The following COL5A2 variants were observed in gnomAD, a reference collection of about 807,000 sequenced individuals.
The protein encoded by COL5A2 is collagen alpha-2(V) chain.
COL5A2 carries 23 observed loss-of-function variants against 208.2 expected under a neutral mutation model. The ratio of observed to expected loss-of-function variants is 0.11; its 90% CI spans 0.08 to 0.16. COL5A2 has a LOEUF of 0.16. Ranked by LOEUF, COL5A2 falls within the 10% of genes least tolerant of loss-of-function variation. The pLI is 1.00. For synonymous variants in COL5A2, 625 were observed against 628.5 expected (o/e 0.99, Z 0.08); for missense variants, 1,590 against 1,956.4 (o/e 0.81, Z 3.53).
chr2:189,403,695 T>C, the COL5A2 span, among the ~76,000 whole-genome samples: 1 of 152,232 alleles, frequency 6.6e-6, no homozygotes, highest in African/African-American at 2.4e-5. Flanking sequence ...TTGCCTTTAG[T>C]TCTATTTACG....
chr2:189,369,430 T>G, the COL5A2 span, among the ~76,000 whole-genome samples: 1 of 152,162 alleles, frequency 6.6e-6, no homozygotes, highest in Non-Finnish European at 1.5e-5. Flanking sequence ...CTATTTTGTA[T>G]GTAGAATATA....
At chr2:189,231,460 C>T in the COL5A2 span, among the ~76,000 whole-genome samples, 4 of 151,854 alleles carry the variant, frequency 2.6e-5, no homozygotes, top group South Asian at 4.1e-4. Flanking sequence ...CTCTCATTCA[C>T]ACCCGGTGCC....
At chr2:189,372,378 T>C in the COL5A2 span, among the ~76,000 whole-genome samples, 2 of 152,176 alleles carry the variant, frequency 1.3e-5, no homozygotes, top group Non-Finnish European at 2.9e-5. Flanking sequence ...CAGTAGAACA[T>C]TTAGTATTAG....
At chr2:189,277,930 G>A in the COL5A2 span, among the ~76,000 whole-genome samples, 3 of 152,150 alleles carry the variant, frequency 2.0e-5, no homozygotes, top group East Asian at 3.9e-4. Flanking sequence ...GTGGGAACAA[G>A]GAGGTCAATA....
intron 1 of COL5A2, among the ~76,000 whole-genome samples, chr2:189,160,122 A>G (rs1017763180): frequency 1.3e-5 from 2 of 152,156 alleles, no homozygotes; most frequent in South Asian, 2.1e-4. Context: ...GCCCTGAAAT[A>G]GAAGCCAGAA....
chr2:189,427,443 T>C, the COL5A2 span, among the ~76,000 whole-genome samples: 2 of 152,156 alleles, frequency 1.3e-5, no homozygotes, highest in Admixed American at 6.5e-5. Context: ...ACTAGGACAA[T>C]GCAGAAGGAA....
At chr2:189,046,600 C>T (rs896759846) in intron 45 of COL5A2, among the ~76,000 whole-genome samples, 1 of 152,126 alleles carries the variant, frequency 6.6e-6, no homozygotes, top group African/African-American at 2.4e-5. Context: ...CCAAATATTA[C>T]TTGTCTCCTT....
chr2:189,398,889 G>A, the COL5A2 span, among the ~76,000 whole-genome samples: 27 of 152,114 alleles, frequency 1.8e-4, no homozygotes, highest in African/African-American at 6.5e-4. Context: ...ACTACTAGAG[G>A]TTATTCTATG....
chr2:189,048,348 T>C lies in COL5A2; in HGVS notation c.3148-86A>G, dbSNP rs1285852812. On this transcript the variant is annotated intron_variant, in intron 44 of 53. Transcript: ENST00000374866. Reference sequence around the variant, plus strand: ...AATTGTCAAAAAATGACAGCATGTTTTACACCTGTGTTTTATAAACTGTCA... The same window carrying C: ...AATTGTCAAAAAATGACAGCATGTTCTACACCTGTGTTTTATAAACTGTCA... 12 of 1,204,950 alleles carry C rather than the reference T, an allele frequency of 1.0e-5. No individual in the cohort carries two copies. The East Asian group carries it at 2.9e-4, about 29-fold the overall frequency. The allele number at this position is 1,204,950 out of a possible 1,614,324, so 74.6% of individuals were successfully genotyped here.
At chr2:189,322,771 C>T in the COL5A2 span, among the ~76,000 whole-genome samples, 1 of 152,172 alleles carries the variant, frequency 6.6e-6, no homozygotes, top group Admixed American at 6.5e-5. Flanking sequence ...AGTACCATTC[C>T]TTCCGAAACT....
At chr2:189,098,315 T>C (rs942760364) in intron 5 of COL5A2, among the ~76,000 whole-genome samples, 1 of 152,230 alleles carries the variant, frequency 6.6e-6, no homozygotes, top group African/African-American at 2.4e-5. Context: ...AAGCCATAAA[T>C]ATGCTCTCCT....
At chr2:189,105,959 A>G (rs978477110) in intron 2 of COL5A2, among the ~76,000 whole-genome samples, 2 of 151,410 alleles carry the variant, frequency 1.3e-5, no homozygotes, top group Non-Finnish European at 3.0e-5. Context: ...CAATCTGACC[A>G]TGTATATTTG....
chr2:189,167,325 C>T (rs1688484669), intron 1 of COL5A2, among the ~76,000 whole-genome samples: 1 of 152,184 alleles, frequency 6.6e-6, no homozygotes, highest in Non-Finnish European at 1.5e-5. Flanking sequence ...CCAACACAAA[C>T]ACCCACAGTG....
chr2:189,037,621 G>A (rs1415346845), intron 51 of COL5A2, among the ~76,000 whole-genome samples: 5 of 152,020 alleles, frequency 3.3e-5, no homozygotes, highest in Non-Finnish European at 5.9e-5. Context: ...AGGTCATATT[G>A]GATTAATTAA....
chr2:189,359,604 C>T, the COL5A2 span, among the ~76,000 whole-genome samples: 4 of 152,244 alleles, frequency 2.6e-5, no homozygotes, highest in East Asian at 1.9e-4. Flanking sequence ...GAAGTATTCC[C>T]GCCTCTTCAA....
At chr2:189,429,013 G>C in the COL5A2 span, among the ~76,000 whole-genome samples, 1 of 152,026 alleles carries the variant, frequency 6.6e-6, no homozygotes, top group Admixed American at 6.6e-5. Flanking sequence ...CAATCAGGCC[G>C]GAAGAATAAA....
the COL5A2 span, among the ~76,000 whole-genome samples, chr2:189,375,166 G>A: frequency 2.0e-5 from 3 of 151,832 alleles, no homozygotes; most frequent in East Asian, 1.9e-4. Context: ...ACAGGTGTGC[G>A]CCACAAAGCC....
chr2:189,145,575 A>T (rs745662969), intron 1 of COL5A2, among the ~76,000 whole-genome samples: 1 of 152,108 alleles, frequency 6.6e-6, no homozygotes, highest in Non-Finnish European at 1.5e-5. Context: ...CTATATAATC[A>T]GTGTCTATTA....
At chr2:189,438,640 A>G in the COL5A2 span, among the ~76,000 whole-genome samples, 1 of 152,172 alleles carries the variant, frequency 6.6e-6, no homozygotes, top group Non-Finnish European at 1.5e-5. Flanking sequence ...CTAGGGATGG[A>G]GAACATTAGT....
Sources: gnomAD v4.1 joint callset for allele counts (sites outside exome capture counted in the v4.1 genomes callset) on GRCh38, gnomAD v4.1.1 for gene constraint, MANE v1.5 for transcripts, NCBI Gene and HGNC (gene_info 2026-07-23, HGNC 2026-07-21) for gene names.